Variants in DOCK3 observed in about 807,000 individuals in gnomAD.
DOCK3 encodes dedicator of cytokinesis protein 3.
Under a neutral mutation model 265.6 loss-of-function variants are expected in DOCK3, and 60 were observed. The ratio of observed to expected loss-of-function variants is 0.23; its 90% CI spans 0.18 to 0.28. The LOEUF (loss-of-function observed/expected upper bound fraction) is 0.28, where lower values mean the gene tolerates loss of function less well. DOCK3 is among the 10% of genes least tolerant of loss of function. DOCK3 has a pLI of 1.00. For missense variants in DOCK3, 1,981 were observed against 2,594.3 expected, an observed-to-expected ratio of 0.76 and a Z score of 5.14; for synonymous variants, 881 against 938.0, an observed-to-expected ratio of 0.94 and a Z score of 1.11.
intron 12 of DOCK3, among the ~76,000 whole-genome samples, chr3:51,207,422 A>G (rs2089278766): frequency 6.6e-6 from 1 of 152,282 alleles, no homozygotes; most frequent in South Asian, 2.1e-4. Flanking sequence ...TTGCTAAATC[A>G]CAAGAGATTG....
At chr3:51,039,771 A>ACC (rs1252488696) in intron 5 of DOCK3, among the ~76,000 whole-genome samples, 1 of 151,242 alleles carries the variant, frequency 6.6e-6, no homozygotes, top group Non-Finnish European at 1.5e-5. Context: ...TCTGCTCTCT[A>ACC]CCCGCAGTCT....
At chr3:51,373,593 C>T (rs963385515) in intron 49 of DOCK3, among the ~76,000 whole-genome samples, 41 of 152,204 alleles carry the variant, frequency 2.7e-4, no homozygotes, top group African/African-American at 8.7e-4. Context: ...CCTGGACCTA[C>T]GGCTATGGTC....
chr3:50,891,523 A>G (rs1370220776), intron 4 of DOCK3, among the ~76,000 whole-genome samples: 2 of 152,140 alleles, frequency 1.3e-5, no homozygotes, highest in African/African-American at 4.8e-5. Context: ...ATAAGTAAGG[A>G]CTATCAAAAG....
intron 22 of DOCK3, among the ~76,000 whole-genome samples, chr3:51,257,045 G>A (rs1320095851): frequency 6.6e-6 from 1 of 152,252 alleles, no homozygotes; most frequent in African/African-American, 2.4e-5. Flanking sequence ...TTGATGGCAA[G>A]GCCATTTATG....
intron 5 of DOCK3, among the ~76,000 whole-genome samples, chr3:51,009,992 A>G (rs893330317): frequency 6.6e-6 from 1 of 152,186 alleles, no homozygotes; most frequent in African/African-American, 2.4e-5. Context: ...ACAGTTTGTT[A>G]TAATTTCTAT....
intron 9 of DOCK3, among the ~76,000 whole-genome samples, chr3:51,101,294 G>T (rs1228011826): frequency 3.3e-5 from 5 of 151,306 alleles, no homozygotes; most frequent in Non-Finnish European, 4.4e-5. Context: ...CTAATTTTTT[G>T]TATTTTTAGT....
At chr3:51,208,748 C>G (rs1269052234) in intron 12 of DOCK3, 26 bp from the exon 13 acceptor site, 1 of 1,579,346 alleles carries the variant, frequency 6.3e-7, no homozygotes, top group Non-Finnish European at 8.6e-7. Context: ...TACTTGAGTA[C>G]CATAACACCT....
chr3:50,925,653 T>C (rs1412598215), intron 4 of DOCK3, among the ~76,000 whole-genome samples: 1 of 151,590 alleles, frequency 6.6e-6, no homozygotes, highest in African/African-American at 2.4e-5. Context: ...AAACAGAAGG[T>C]TGGGGTTTTA....
chr3:50,695,851 A>C (rs143330185), intron 1 of DOCK3, among the ~76,000 whole-genome samples: 101 of 152,368 alleles, frequency 6.6e-4, no homozygotes, highest in African/African-American at 2.4e-3. Context: ...TTGAGCAAAG[A>C]ATGATTCACA....
chr3:50,899,878 C>T (rs555551044), intron 4 of DOCK3, among the ~76,000 whole-genome samples: 160 of 152,226 alleles, frequency 1.1e-3, no homozygotes, highest in African/African-American at 3.3e-3. Context: ...GTGGGTAACC[C>T]GACCTTTCTC....
rs2043296991 is a variant in DOCK3, at chr3:50,804,621, C to G, written c.121+25863C>G. ...AGGCGTGGCGGCTGGCGCCTGCAAT[C>G]CCAGGCACTCGGCAGGCTGAAGCAG... On this transcript the variant is annotated intron_variant, in intron 2 of 52. Transcript: ENST00000266037. Among the ~76,000 whole-genome samples the G allele has an allele frequency of 6.6e-5, 10 of 152,312 alleles. No individual in the cohort carries two copies. In the South Asian group the frequency reaches 1.9e-3, roughly 28 times the overall value.
chr3:51,102,064 T>C (rs182876868), intron 9 of DOCK3, among the ~76,000 whole-genome samples: 43 of 152,354 alleles, frequency 2.8e-4, no homozygotes, highest in African/African-American at 9.9e-4. Flanking sequence ...TTTTAACTAA[T>C]TTGTGTTTAT....
At chr3:51,176,569 T>C (rs2086967245) in intron 12 of DOCK3, among the ~76,000 whole-genome samples, 1 of 152,050 alleles carries the variant, frequency 6.6e-6, no homozygotes, top group South Asian at 2.1e-4. Context: ...GAGCTTGCAG[T>C]GAGCTGAGAT....
At chr3:51,138,684 G>A (rs537890477) in intron 9 of DOCK3, among the ~76,000 whole-genome samples, 23 of 152,298 alleles carry the variant, frequency 1.5e-4, no homozygotes, top group African/African-American at 5.5e-4. Context: ...CAGCCTGTTG[G>A]GGAGGTGTCT....
chr3:50,779,229 C>T (rs928497417), intron 2 of DOCK3, among the ~76,000 whole-genome samples: 5 of 151,910 alleles, frequency 3.3e-5, no homozygotes, highest in East Asian at 3.9e-4. Flanking sequence ...ATTTTGTGCC[C>T]TCTTACTTAT....
At chr3:51,130,707 ATGTT>A (rs1425289488) in intron 9 of DOCK3, among the ~76,000 whole-genome samples, 2 of 152,012 alleles carry the variant, frequency 1.3e-5, no homozygotes, top group Admixed American at 6.6e-5. Flanking sequence ...TTTTGTATGT[ATGTT>A]TGTTTGTTTG....
At chr3:51,228,625 C>T (rs747977401) in intron 17 of DOCK3, 36 bp from the exon 18 acceptor site, 11 of 1,597,756 alleles carry the variant, frequency 6.9e-6, no homozygotes, top group Middle Eastern at 3.7e-4. Context: ...TGTTGCATGG[C>T]TCAGGGGACA....
intron 1 of DOCK3, among the ~76,000 whole-genome samples, chr3:50,708,058 A>G (rs901835675): frequency 6.6e-6 from 1 of 152,226 alleles, no homozygotes; most frequent in Non-Finnish European, 1.5e-5. Flanking sequence ...ATCCACACAC[A>G]CTTGGATAGC....
chr3:51,166,699 T>C (rs752268046), intron 12 of DOCK3, among the ~76,000 whole-genome samples: 5 of 152,238 alleles, frequency 3.3e-5, no homozygotes, highest in African/African-American at 4.8e-5. Context: ...TGATTTGTAT[T>C]TTCCTGATGG....
Sources: gnomAD v4.1 joint callset for allele counts (sites outside exome capture counted in the v4.1 genomes callset) on GRCh38, gnomAD v4.1.1 for gene constraint, MANE v1.5 for transcripts, NCBI Gene and HGNC (gene_info 2026-07-23, HGNC 2026-07-21) for gene names.